Variants in ADAM22 observed in about 807,000 individuals in gnomAD.
ADAM22 encodes disintegrin and metalloproteinase domain-containing protein 22.
In ADAM22, 65 loss-of-function variants were observed where a neutral mutation model predicts 144.6. The ratio of observed to expected loss-of-function variants is 0.45; its 90% CI spans 0.37 to 0.55. ADAM22 has a LOEUF of 0.55. Among genes scored for constraint, ADAM22 ranks in the 20% least tolerant of loss-of-function variants. The pLI is 0.00. For synonymous variants in ADAM22, 391 were observed against 412.6 expected (o/e 0.95, Z 0.63); for missense variants, 974 against 1,184.9 (o/e 0.82, Z 2.61).
chr7:88,153,672 C>T (rs973652907), intron 21 of ADAM22, among the ~76,000 whole-genome samples: 3 of 152,164 alleles, frequency 2.0e-5, no homozygotes, highest in African/African-American at 4.8e-5. Context: ...CCCAAACCAC[C>T]CCCTTTTTGC....
intron 3 of ADAM22, among the ~76,000 whole-genome samples, chr7:88,066,600 G>A (rs1179027289): frequency 6.6e-6 from 1 of 152,088 alleles, no homozygotes; most frequent in Non-Finnish European, 1.5e-5. Context: ...ATTATATCCT[G>A]TATAATTAAT....
intron 31 of ADAM22, among the ~76,000 whole-genome samples, 160 bp from the exon 32 acceptor site, chr7:88,196,311 G>C (rs763631146): frequency 9.2e-5 from 14 of 152,226 alleles, no homozygotes; most frequent in Non-Finnish European, 1.9e-4. Context: ...AGAGCTAAAA[G>C]TTGGAGTGTT....
chr7:88,075,751 T>C, intron 4 of ADAM22, 59 bp downstream of exon 4: 1 of 1,160,114 alleles, frequency 8.6e-7, no homozygotes, highest in Non-Finnish European at 1.3e-6. Context: ...ATACTACTGA[T>C]TATTATTTTA....
intron 4 of ADAM22, among the ~76,000 whole-genome samples, chr7:88,107,975 G>A (rs1447383034): frequency 6.6e-6 from 1 of 152,064 alleles, no homozygotes. Flanking sequence ...TTATTTCCCT[G>A]AATTTTGATT....
In ADAM22 at chr7:88,163,360, C is replaced by T. The variant is rs554009330; in HGVS notation, c.2076+180C>T. Among the ~76,000 whole-genome samples the T allele has an allele frequency of 8.9e-4, 136 of 151,968 alleles. 1 individual carries two copies. The highest frequency in any genetic ancestry group is 1.7e-3 in the Non-Finnish European group (115 of 67,960). ...TTTCTGTTGTATAATCTGAGAAAGC[C>T]TGGGGATAAGGAAATGAATAATCTT... On this transcript the variant is annotated intron_variant, in intron 23 of 31. Transcript: ENST00000413139.
intron 3 of ADAM22, among the ~76,000 whole-genome samples, chr7:88,047,044 G>A (rs543067556): frequency 1.6e-4 from 24 of 152,220 alleles, no homozygotes; most frequent in African/African-American, 4.8e-4. Context: ...GGCCACTTGT[G>A]TACCTCCTTG....
chr7:87,958,511 G>C (rs1298742579), intron 2 of ADAM22, among the ~76,000 whole-genome samples: 1 of 151,724 alleles, frequency 6.6e-6, no homozygotes, highest in East Asian at 1.9e-4. Context: ...TCAGCCTCCT[G>C]AGTAGCTGGG....
At chr7:88,146,279 G>C (rs963879797) in intron 17 of ADAM22, among the ~76,000 whole-genome samples, 2 of 152,176 alleles carry the variant, frequency 1.3e-5, no homozygotes, top group Admixed American at 1.3e-4. Flanking sequence ...AATATTTGTT[G>C]AGTGAATGAA....
chr7:88,037,575 C>G (rs1031538347), intron 3 of ADAM22, among the ~76,000 whole-genome samples: 7 of 152,056 alleles, frequency 4.6e-5, no homozygotes, highest in African/African-American at 1.7e-4. Context: ...TCCATTAGGT[C>G]TGCCTTGATG....
chr7:88,092,659 G>T (rs1387235827), intron 4 of ADAM22, among the ~76,000 whole-genome samples: 1 of 152,170 alleles, frequency 6.6e-6, no homozygotes, highest in African/African-American at 2.4e-5. Flanking sequence ...AAAATTTGGG[G>T]GGATTAAGTA....
At chr7:88,049,612 G>T (rs1805651521) in intron 3 of ADAM22, among the ~76,000 whole-genome samples, 1 of 152,134 alleles carries the variant, frequency 6.6e-6, no homozygotes, top group South Asian at 2.1e-4. Context: ...TGGTCAGGCT[G>T]GTCTTGAACT....
chr7:88,123,963 A>G (rs1466376800), intron 7 of ADAM22, among the ~76,000 whole-genome samples: 3 of 150,336 alleles, frequency 2.0e-5, no homozygotes, highest in African/African-American at 7.4e-5. Context: ...TAGAATTGCA[A>G]TAAGAGAAAA....
chr7:87,952,835 A>G (rs1845612742), intron 2 of ADAM22, among the ~76,000 whole-genome samples: 1 of 152,224 alleles, frequency 6.6e-6, no homozygotes, highest in African/African-American at 2.4e-5. Context: ...TTATTGGTCT[A>G]TTCAGAGATT....
At chr7:88,024,177 C>T (rs757486499) in intron 3 of ADAM22, among the ~76,000 whole-genome samples, 13 of 152,108 alleles carry the variant, frequency 8.5e-5, no homozygotes, top group South Asian at 8.3e-4. Flanking sequence ...TCTGTTATAC[C>T]GACTTCCTTT....
chr7:88,050,746 A>G (rs1806096487), intron 3 of ADAM22, among the ~76,000 whole-genome samples: 1 of 152,048 alleles, frequency 6.6e-6, no homozygotes, highest in African/African-American at 2.4e-5. Flanking sequence ...TTCTTTGTAG[A>G]TTCTGGATAT....
At chr7:88,078,948 C>A (rs983021657) in intron 4 of ADAM22, among the ~76,000 whole-genome samples, 2 of 152,130 alleles carry the variant, frequency 1.3e-5, no homozygotes, top group African/African-American at 4.8e-5. Context: ...GGAGAACTTC[C>A]CAATCTAGCA....
At chr7:87,968,039 A>AG (rs1462047506) in intron 2 of ADAM22, among the ~76,000 whole-genome samples, 1 of 152,178 alleles carries the variant, frequency 6.6e-6, no homozygotes, top group Non-Finnish European at 1.5e-5. Flanking sequence ...AATTGTCATA[A>AG]GAACATACAT....
At chr7:88,098,080 T>C (rs918601807) in intron 4 of ADAM22, among the ~76,000 whole-genome samples, 1 of 152,160 alleles carries the variant, frequency 6.6e-6, no homozygotes, top group African/African-American at 2.4e-5. Context: ...ATTTGTTATA[T>C]TAGTGGGTGT....
At chr7:88,077,872 C>T (rs1246703326) in intron 4 of ADAM22, among the ~76,000 whole-genome samples, 1 of 152,238 alleles carries the variant, frequency 6.6e-6, no homozygotes, top group African/African-American at 2.4e-5. Flanking sequence ...GAGCCCACCA[C>T]AGCTCAAGGA....
Sources: allele counts gnomAD v4.1 joint callset (sites outside exome capture counted in the v4.1 genomes callset), GRCh38; gene constraint gnomAD v4.1.1; transcripts MANE v1.5; gene names NCBI Gene and HGNC (gene_info 2026-07-23, HGNC 2026-07-21).